The following RIC8B variants were observed in gnomAD, a reference collection of about 807,000 sequenced individuals.
RIC8B encodes the protein RIC8 guanine nucleotide exchange factor B.
Under a neutral mutation model 57.5 loss-of-function variants are expected in RIC8B, and 16 were observed. The ratio of observed to expected loss-of-function variants is 0.28; its 90% CI spans 0.19 to 0.42. The LOEUF is 0.42. Ranked by LOEUF, RIC8B falls within the 10% of genes least tolerant of loss-of-function variation. RIC8B has a pLI of 1.00. For missense variants in RIC8B, 481 were observed against 677.0 expected, an observed-to-expected ratio of 0.71 and a Z score of 3.21; for synonymous variants, 216 against 250.8, an observed-to-expected ratio of 0.86 and a Z score of 1.31.
At chr12:106,802,508 T>G (rs2044777959) in intron 2 of RIC8B, among the ~76,000 whole-genome samples, 2 of 151,018 alleles carry the variant, frequency 1.3e-5, no homozygotes, top group African/African-American at 4.9e-5. Flanking sequence ...TAGGGATAGG[T>G]ATTTCACTGC....
intron 9 of RIC8B, 46 bp from the exon 10 acceptor site, chr12:106,885,858 T>C (rs1951159966): frequency 4.0e-6 from 5 of 1,262,220 alleles, no homozygotes; most frequent in Non-Finnish European, 5.8e-6. Context: ...GTGTGTGTGA[T>C]GCTGGTGAAT....
At chr12:106,791,706 C>T (rs892704894) in intron 2 of RIC8B, among the ~76,000 whole-genome samples, 1 of 152,190 alleles carries the variant, frequency 6.6e-6, no homozygotes, top group Non-Finnish European at 1.5e-5. Context: ...GCCTTGGCTC[C>T]TAAGTTGGCT....
intron 2 of RIC8B, among the ~76,000 whole-genome samples, chr12:106,810,473 G>GC (rs2045288809): frequency 6.6e-6 from 1 of 152,290 alleles, no homozygotes; most frequent in South Asian, 2.1e-4. Context: ...GGACGGATGT[G>GC]CTAAGCACCA....
chr12:106,806,268 GC>G (rs1318660658), intron 2 of RIC8B, among the ~76,000 whole-genome samples: 23 of 152,042 alleles, frequency 1.5e-4, no homozygotes, highest in Non-Finnish European at 4.4e-5. Context: ...TTTTATCAAG[GC>G]CATTTGTGCT....
intron 3 of RIC8B, among the ~76,000 whole-genome samples, chr12:106,822,033 G>T (rs12368479): frequency 5.1e-5 from 7 of 137,432 alleles, no homozygotes; most frequent in Non-Finnish European, 1.5e-5. Context: ...AGCCAAGATC[G>T]TGCCACTGCA....
chr12:106,814,218 A>G (rs75549265), intron 2 of RIC8B, among the ~76,000 whole-genome samples: 121 of 152,238 alleles, frequency 7.9e-4, no homozygotes, highest in Non-Finnish European at 1.5e-3. Flanking sequence ...ATTCAACTCT[A>G]TTTGGAACCT....
At chr12:106,849,193 T>TG (rs1158393094) in intron 6 of RIC8B, among the ~76,000 whole-genome samples, 2 of 152,130 alleles carry the variant, frequency 1.3e-5, no homozygotes, top group African/African-American at 4.8e-5. Flanking sequence ...TTATTATGTA[T>TG]GGTATACCTG....
intron 9 of RIC8B, chr12:106,872,993 G>A (rs944788981): frequency 8.1e-6 from 8 of 984,338 alleles, no homozygotes; most frequent in African/African-American, 7.0e-5. Flanking sequence ...CACAGGCACA[G>A]AAAACAAAGG....
At chr12:106,811,984 C>T (rs1306274705) in intron 2 of RIC8B, among the ~76,000 whole-genome samples, 1 of 152,120 alleles carries the variant, frequency 6.6e-6, no homozygotes, top group Non-Finnish European at 1.5e-5. Context: ...TAATAATATT[C>T]TTTAAATAGA....
At chr12:106,806,102 T>A (rs1186956495) in intron 2 of RIC8B, among the ~76,000 whole-genome samples, 3 of 152,050 alleles carry the variant, frequency 2.0e-5, no homozygotes, top group Non-Finnish European at 4.4e-5. Flanking sequence ...GGCATGTGCC[T>A]CCATGCCCGG....
chr12:106,879,710 C>T lies in RIC8B; in HGVS notation c.1572-6194C>T. The T allele has an allele frequency of 1.0e-6, 1 of 985,390 alleles. No homozygotes were observed. Among genetic ancestry groups the T allele is most frequent in the Non-Finnish European group, 1.2e-6 (1 of 829,922 alleles). The allele number at this position is 985,390 out of a possible 1,614,324, so 61.0% of individuals were successfully genotyped here. On this transcript the variant is annotated intron_variant, in intron 9 of 9. Coordinates refer to ENST00000392837, the MANE Select transcript of RIC8B (RefSeq NM_001330145.2). The surrounding 1 kb of genome is among the most constrained non-coding windows in gnomAD (Gnocchi z 4.9). Reference sequence around the variant, plus strand: ...ATCTGTGTCCTCTTGCCTGGCCAAGCCCTTGTAGATTATGGTTCCTTATCG... The same window carrying T: ...ATCTGTGTCCTCTTGCCTGGCCAAGTCCTTGTAGATTATGGTTCCTTATCG...
intron 1 of RIC8B, among the ~76,000 whole-genome samples, chr12:106,780,543 C>G (rs150004637): frequency 1.3e-5 from 2 of 152,256 alleles, no homozygotes; most frequent in East Asian, 1.9e-4. Flanking sequence ...TTGTTTTCTA[C>G]TTTGGAAGTT....
intron 8 of RIC8B, among the ~76,000 whole-genome samples, chr12:106,865,967 C>T (rs1950121679): frequency 6.6e-6 from 1 of 152,202 alleles, no homozygotes; most frequent in Non-Finnish European, 1.5e-5. Context: ...CATTCCCTCA[C>T]CACCTTCAAG....
chr12:106,835,505 C>T (rs1234957856), intron 4 of RIC8B, among the ~76,000 whole-genome samples: 1 of 152,200 alleles, frequency 6.6e-6, no homozygotes, highest in Non-Finnish European at 1.5e-5. Flanking sequence ...TTAATACCCA[C>T]ATCAACCTGG....
intron 1 of RIC8B, among the ~76,000 whole-genome samples, chr12:106,780,883 G>T (rs1172213528): frequency 6.6e-6 from 1 of 152,166 alleles, no homozygotes; most frequent in Non-Finnish European, 1.5e-5. Flanking sequence ...TGTGTGCAAG[G>T]TGCCATGCTT....
At chr12:106,853,889 A>C (rs1949600838) in intron 7 of RIC8B, among the ~76,000 whole-genome samples, 1 of 152,204 alleles carries the variant, frequency 6.6e-6, no homozygotes, top group South Asian at 2.1e-4. Context: ...GATATATAAG[A>C]TAAACAGTGT....
chr12:106,801,992 A>G (rs2044753641), intron 2 of RIC8B, among the ~76,000 whole-genome samples: 1 of 152,220 alleles, frequency 6.6e-6, no homozygotes, highest in Non-Finnish European at 1.5e-5. Context: ...CTTCAGCTCC[A>G]GTTAAGAACT....
intron 2 of RIC8B, among the ~76,000 whole-genome samples, chr12:106,803,215 C>CAAAAAAAA (rs55853235): frequency 6.0e-5 from 5 of 83,982 alleles, no homozygotes; most frequent in African/African-American, 1.5e-4. Context: ...TACCCTGTCT[C>CAAAAAAAA]AAAAAAAAAA....
intron 9 of RIC8B, among the ~76,000 whole-genome samples, chr12:106,873,513 C>CT (rs1203240118): frequency 6.6e-6 from 1 of 151,868 alleles, no homozygotes; most frequent in Non-Finnish European, 1.5e-5. Context: ...TCTCTTTCCA[C>CT]TTTTTTTTGA....
Sources: allele counts gnomAD v4.1 joint callset (sites outside exome capture counted in the v4.1 genomes callset), GRCh38; gene constraint gnomAD v4.1.1; non-coding constraint Gnocchi (gnomAD v3.1); transcripts MANE v1.5; gene names NCBI Gene and HGNC (gene_info 2026-07-23, HGNC 2026-07-21).